The following PEAR1 variants were observed in gnomAD, a reference collection of about 807,000 sequenced individuals.
PEAR1 encodes the protein platelet endothelial aggregation receptor 1.
PEAR1 carries 113 observed loss-of-function variants against 131.2 expected under a neutral mutation model. The observed-to-expected ratio is 0.86, with a 90% CI of 0.74 to 1.01. The LOEUF is 1.01. PEAR1 is among the 50% of genes least tolerant of loss of function. The pLI is 0.00. For missense variants in PEAR1, 1,408 were observed against 1,391.1 expected, an observed-to-expected ratio of 1.01 and a Z score of -0.19; for synonymous variants, 565 against 523.3, an observed-to-expected ratio of 1.08 and a Z score of -1.09.
intron 4 of PEAR1, 97 bp downstream of exon 4, chr1:156,905,521 G>A: frequency 8.9e-7 from 1 of 1,129,560 alleles, no homozygotes; most frequent in Non-Finnish European, 1.2e-6. Context: ...GCTAGAATGG[G>A]GTTACTCCTC....
Position 156,909,043 on chromosome 1 carries a change from G to T in PEAR1, c.1411+7G>T. The T allele has an allele frequency of 6.2e-7, 1 of 1,613,846 alleles. No homozygotes were observed. The highest frequency in any genetic ancestry group is 1.1e-5 in the South Asian group (1 of 91,034). On this transcript the variant is annotated splice_region_variant and intron_variant, in intron 11 of 22. Coordinates refer to ENST00000292357, the MANE Select transcript of PEAR1 (RefSeq NM_001080471.3). ...GAGTGCGTCTGCAAGGAAGGTAATA[G>T]GGTGGAGTTTCCCAGAGAGAAGACT...
intron 1 of PEAR1, among the ~76,000 whole-genome samples, chr1:156,895,532 A>T (rs967833770): frequency 9.2e-5 from 14 of 152,236 alleles, no homozygotes; most frequent in African/African-American, 3.4e-4. Context: ...CAGAAGGAAG[A>T]GGCAGAGAAG....
At position 156,912,679 on chromosome 1, in the gene PEAR1, C is replaced by A. The variant is rs73006643; in HGVS notation, c.2209+57C>A. ...TGTCCCCAGGGAACTGGGACCTAGG[C>A]CCCTCATACAGTCCCTACTTCCCTC... On this transcript the variant is annotated intron_variant, in intron 17 of 22. Transcript: ENST00000292357. The A allele has an allele frequency of 2.5e-3, 4,028 of 1,608,810 alleles. 82 individuals are homozygous for A. The African/African-American group carries it at 0.043, about 17-fold the overall frequency.
chr1:156,904,599 G>A, intron 2 of PEAR1, 149 bp from the exon 3 acceptor site: 1 of 771,110 alleles, frequency 1.3e-6, no homozygotes, highest in South Asian at 1.8e-5. Flanking sequence ...AGGTGGGACA[G>A]GATGGGGGTC....
At position 156,912,385 on chromosome 1, in the gene PEAR1, G is replaced by A. The variant is rs1651315112; in HGVS notation, c.2080+10G>A. 2 of 1,610,904 alleles carry A rather than the reference G, an allele frequency of 1.2e-6. No individual in the cohort carries two copies. The highest frequency in any genetic ancestry group is 1.1e-5 in the South Asian group (1 of 90,582). ...CACCACTGCTTAGAAGGTACCAACA[G>A]AAGGGGAACTCCAGGCCCCTGCCTC... On this transcript the variant is annotated intron_variant, in intron 16 of 22. Transcript: ENST00000292357.
intron 15 of PEAR1, among the ~76,000 whole-genome samples, chr1:156,911,210 T>G (rs1651144628): frequency 9.0e-6 from 1 of 111,120 alleles, no homozygotes; most frequent in Non-Finnish European, 1.9e-5. Context: ...TTTTCTTTCT[T>G]TCTTTCTTTC....
intron 1 of PEAR1, among the ~76,000 whole-genome samples, chr1:156,903,639 A>C (rs1649909053): frequency 6.6e-6 from 1 of 152,102 alleles, no homozygotes; most frequent in Non-Finnish European, 1.5e-5. Context: ...TGGAGGAGGG[A>C]AGGGGTGGCA....
intron 1 of PEAR1, among the ~76,000 whole-genome samples, chr1:156,894,133 AG>A (rs776779495): frequency 1.4e-4 from 21 of 152,204 alleles, no homozygotes; most frequent in Admixed American, 2.6e-4. Flanking sequence ...GGACTTTGTG[AG>A]TCAGGGGCAG....
rs1650639907 is a variant in PEAR1, at chr1:156,908,528, G to A, written c.1116-127G>A. ...GCCCCAACCCAGTTTTCAGAATAGC[G>A]CGGAGCCTCCCTAGTGACCCCCTTA... On this transcript the variant is annotated intron_variant, in intron 9 of 22. Coordinates refer to ENST00000292357, the MANE Select transcript of PEAR1 (RefSeq NM_001080471.3). The surrounding 1 kb of genome is among the most constrained non-coding windows in gnomAD (Gnocchi z 4.2). The A allele has an allele frequency of 9.9e-6, 12 of 1,211,478 alleles. No individual in the cohort carries two copies. The South Asian group carries it at 1.7e-4, about 18-fold the overall frequency. The allele number at this position is 1,211,478 out of a possible 1,614,324, so 75.0% of individuals were successfully genotyped here. A position where few individuals can be genotyped will look rare whatever the true frequency, so the allele number is the denominator to read the frequency against.
intron 1 of PEAR1, among the ~76,000 whole-genome samples, chr1:156,896,291 C>T (rs1649154190): frequency 6.6e-6 from 1 of 152,184 alleles, no homozygotes. Flanking sequence ...ACACATTTAA[C>T]GAGGCGCAGT....
Position 156,903,932 on chromosome 1 carries a change from A to G in PEAR1, c.6A>G (p.Ser2=), listed in dbSNP as rs758334017. 15 of 1,610,084 alleles carry G rather than the reference A, an allele frequency of 9.3e-6. No homozygotes were observed. Among genetic ancestry groups the G allele is most frequent in the African/African-American group, 1.3e-5 (1 of 74,750 alleles). ...TCTTGCTGCAGGCCTCTGCAATGTC[A>G]CCGCCTCTGTGTCCCCTCCTTCTCC... M[S]PPLCPLLLLA... The change falls in exon 2 of 23, where the codon TCA becomes TCG. Residue 2 remains serine, a synonymous_variant. Transcript: ENST00000292357.
chr1:156,913,860 T>C lies in PEAR1; in HGVS notation c.2722T>C (p.Ser908Pro). Residue 908 changes from serine to proline, a missense_variant, in exon 22 of 23, where the codon TCT becomes CCT. By Grantham distance (74) the Ser-to-Pro change is moderately conservative. Coordinates refer to ENST00000292357, the MANE Select transcript of PEAR1 (RefSeq NM_001080471.3). ...PGPFYNKGLI[S>P]EEELGASVAS... The stretch of plus-strand genomic sequence containing the variant: ...CTTTCCTCTATCCTTAGGGCTCATC[T>C]CTGAAGAGGAGCTCGGGGCCAGTGT... The C allele has an allele frequency of 6.2e-7, 1 of 1,613,240 alleles. No homozygotes were observed. The highest frequency in any genetic ancestry group is 1.3e-5 in the African/African-American group (1 of 75,020).
At position 156,913,770 on chromosome 1, in the gene PEAR1, C is replaced by T. The variant is rs201973613; in HGVS notation, c.2713+10C>T. The stretch of plus-strand genomic sequence containing the variant: ...CCATTCTACAATAAAGGTATGGGCA[C>T]AGGGGCAACAAGGGAGGTGGCTGAG... On this transcript the variant is annotated intron_variant, in intron 21 of 22. Transcript: ENST00000292357. 252 of 1,613,372 alleles carry T rather than the reference C, an allele frequency of 1.6e-4. No individual in the cohort carries two copies. The highest frequency in any genetic ancestry group is 1.7e-4 in the Non-Finnish European group (204 of 1,179,662).
chr1:156,905,492 T>C lies in PEAR1; in HGVS notation c.307+68T>C. On this transcript the variant is annotated intron_variant, in intron 4 of 22. Coordinates refer to ENST00000292357, the MANE Select transcript of PEAR1 (RefSeq NM_001080471.3). ...ATGCGGGGAGCTTAGCCTACTCTTC[T>C]GAGTCCCTCCCGGCCCCCGCTAGAA... 3 of 1,389,940 alleles carry C rather than the reference T, an allele frequency of 2.2e-6. No individual in the cohort carries two copies. The South Asian group carries it at 4.1e-5, about 19-fold the overall frequency. The allele number at this position is 1,389,940 out of a possible 1,614,324, so 86.1% of individuals were successfully genotyped here. A position where few individuals can be genotyped will look rare whatever the true frequency, so the allele number is the denominator to read the frequency against.
intron 15 of PEAR1, among the ~76,000 whole-genome samples, chr1:156,911,479 T>G (rs1323182643): frequency 6.6e-6 from 1 of 151,956 alleles, no homozygotes; most frequent in Non-Finnish European, 1.5e-5. Flanking sequence ...CCCTGGGGTT[T>G]CATCATATTG....
chr1:156,908,221 C>T lies in PEAR1; in HGVS notation c.996C>T (p.Gly332=), dbSNP rs1374585172. The change falls in exon 9 of 23, where the codon GGC becomes GGT. Residue 332 remains glycine, a synonymous_variant. Coordinates refer to ENST00000292357, the MANE Select transcript of PEAR1 (RefSeq NM_001080471.3). The surrounding 1 kb of genome is among the most constrained non-coding windows in gnomAD (Gnocchi z 4.2). ...APDARCFPAN[G]ACLCEHGFTG... ...ACGCCCGTTGCTTCCCGGCCAACGGCGCATGTCTGTGCGAACACGGCTTCA... is the reference window on the plus strand; with the variant it reads ...ACGCCCGTTGCTTCCCGGCCAACGGTGCATGTCTGTGCGAACACGGCTTCA... 1.9e-6 allele frequency: 3 copies of T among 1,602,448 alleles called. No homozygotes were observed. In the East Asian group the frequency reaches 6.7e-5, roughly 36 times the overall value.
chr1:156,910,773 CG>C, intron 15 of PEAR1, 30 bp downstream of exon 15: 2 of 1,612,620 alleles, frequency 1.2e-6, no homozygotes, highest in Non-Finnish European at 1.7e-6. Context: ...TCTGAGCATA[CG>C]TGCATGCTGA....
rs1321285640 is a variant in PEAR1 at position 156,907,988 on chromosome 1, A to T, written c.839A>T (p.Asn280Ile). Residue 280 changes from asparagine (N) to isoleucine (I), a missense_variant, in exon 8 of 23, where the codon AAC (asparagine) becomes ATC (isoleucine). Asn to Ile is a moderately radical substitution (Grantham distance 149, BLOSUM62 -3). Coordinates refer to ENST00000292357, the MANE Select transcript of PEAR1 (RefSeq NM_001080471.3). Reference sequence around the variant, plus strand: ...TGCTCCCAGGAATGTCGCTGCCACAACGGCGGCCTCTGTGACCGATTCACT... The same window carrying T: ...TGCTCCCAGGAATGTCGCTGCCACATCGGCGGCCTCTGTGACCGATTCACT... ...PNCSQECRCH[N>I]GGLCDRFTGQ... The T allele has an allele frequency of 1.3e-6, 2 of 1,573,372 alleles. No individual in the cohort carries two copies. Among genetic ancestry groups the T allele is most frequent in the Non-Finnish European group, 8.6e-7 (1 of 1,158,762 alleles).
intron 22 of PEAR1, 98 bp from the exon 23 acceptor site, chr1:156,914,549 T>C: frequency 3.2e-6 from 4 of 1,269,428 alleles, no homozygotes; most frequent in Non-Finnish European, 4.4e-6. Context: ...CTCTTTGCCT[T>C]GAAGAGGCTG....
Sources: gnomAD v4.1 joint callset for allele counts (sites outside exome capture counted in the v4.1 genomes callset) on GRCh38, gnomAD v4.1.1 for gene constraint, Gnocchi (gnomAD v3.1) non-coding constraint, MANE v1.5 for transcripts, NCBI Gene and HGNC (gene_info 2026-07-23, HGNC 2026-07-21) for gene names.